The following TSHZ2 variants were observed in gnomAD, a reference collection of about 807,000 sequenced individuals.
TSHZ2 encodes teashirt zinc finger homeobox 2, also known as teashirt homolog 2.
Under a neutral mutation model 74.4 loss-of-function variants are expected in TSHZ2, and 21 were observed. That is an observed-to-expected ratio of 0.28 (90% confidence interval 0.20 to 0.41). The LOEUF (loss-of-function observed/expected upper bound fraction) is 0.41, where lower values mean the gene tolerates loss of function less well. Among genes scored for constraint, TSHZ2 ranks in the 10% least tolerant of loss-of-function variants. The pLI is 1.00. For missense variants in TSHZ2, 1,244 were observed against 1,293.5 expected, an observed-to-expected ratio of 0.96 and a Z score of 0.59; for synonymous variants, 540 against 515.3, an observed-to-expected ratio of 1.05 and a Z score of -0.65.
chr20:53,252,887 T>A (rs1489054120), intron 1 of TSHZ2, among the ~76,000 whole-genome samples: 2 of 152,186 alleles, frequency 1.3e-5, no homozygotes, highest in Non-Finnish European at 2.9e-5. Context: ...AACAGAAGAT[T>A]TTATTTGCAT....
intron 2 of TSHZ2, among the ~76,000 whole-genome samples, chr20:53,384,848 C>T (rs945850387): frequency 1.1e-4 from 17 of 152,170 alleles, no homozygotes; most frequent in Non-Finnish European, 4.4e-5. Context: ...GTCGGCTGGA[C>T]GCGGTGGCTC....
Position 53,185,581 on chromosome 20 carries a change from C to G in TSHZ2, c.41-67918C>G, listed in dbSNP as rs571999365. 6 of 1,518,414 alleles carry G rather than the reference C, an allele frequency of 4.0e-6. No homozygotes were observed. In the South Asian group the frequency reaches 7.2e-5, roughly 18 times the overall value. 94.1% of individuals were successfully genotyped at this position (1,518,414 alleles called of 1,614,324 possible). On this transcript the variant is annotated intron_variant, in intron 1 of 2. Coordinates refer to ENST00000371497, the MANE Select transcript of TSHZ2 (RefSeq NM_173485.6). Reference sequence around the variant, plus strand: ...GTTGCAGTGAGCTGAGATCACGCCACTGCACTCCAGCTGGGGATACAGAGC... The same window carrying G: ...GTTGCAGTGAGCTGAGATCACGCCAGTGCACTCCAGCTGGGGATACAGAGC...
intron 2 of TSHZ2, among the ~76,000 whole-genome samples, chr20:53,371,893 A>C (rs1981487119): frequency 6.6e-6 from 1 of 151,750 alleles, no homozygotes; most frequent in Admixed American, 6.6e-5. Flanking sequence ...AAAAAAGAAA[A>C]AAAAAAGAGT....
At position 53,256,206 on chromosome 20, in the gene TSHZ2, G is replaced by A; in HGVS notation, c.2748G>A (p.Leu916=). 3 of 1,612,986 alleles carry A rather than the reference G, an allele frequency of 1.9e-6. No individual in the cohort carries two copies. Among genetic ancestry groups the A allele is most frequent in the Non-Finnish European group, 2.5e-6 (3 of 1,179,206 alleles). ...GGAAAACGGGCGGGACAAAATTTCTGAAAAACATGGACAAAGGCCACCCCA... is the reference window on the plus strand; with the variant it reads ...GGAAAACGGGCGGGACAAAATTTCTAAAAAACATGGACAAAGGCCACCCCA... ...QLRKTGGTKF[L]KNMDKGHPIF... Residue 916 remains leucine, a synonymous_variant, in exon 2 of 3, where the codon CTG becomes CTA. Transcript: ENST00000371497. This position sits in a 1 kb window ranked among gnomAD's most constrained non-coding sequence, Gnocchi z 4.3.
intron 1 of TSHZ2, among the ~76,000 whole-genome samples, chr20:53,124,423 G>A (rs1044235886): frequency 1.3e-5 from 2 of 152,214 alleles, no homozygotes; most frequent in African/African-American, 4.8e-5. Context: ...TCACTGATCA[G>A]TGACTGGTTT....
At chr20:53,050,005 C>T (rs1189253007) in intron 1 of TSHZ2, among the ~76,000 whole-genome samples, 1 of 150,590 alleles carries the variant, frequency 6.6e-6, no homozygotes, top group Middle Eastern at 3.2e-3. Flanking sequence ...TTGCTTGAAC[C>T]TGGAGGCGGA....
chr20:53,129,681 A>T (rs2123378648), intron 1 of TSHZ2, among the ~76,000 whole-genome samples: 1 of 152,254 alleles, frequency 6.6e-6, no homozygotes, highest in Non-Finnish European at 1.5e-5. Flanking sequence ...GAAAATATGC[A>T]CACACACAAT....
At chr20:53,242,865 C>T (rs1309679779) in intron 1 of TSHZ2, among the ~76,000 whole-genome samples, 1 of 152,154 alleles carries the variant, frequency 6.6e-6, no homozygotes, top group Non-Finnish European at 1.5e-5. Flanking sequence ...CCAACAAACA[C>T]TTGAACAAGG....
At chr20:53,171,588 G>C (rs1486916403) in intron 1 of TSHZ2, among the ~76,000 whole-genome samples, 1 of 151,494 alleles carries the variant, frequency 6.6e-6, no homozygotes, top group East Asian at 1.9e-4. Context: ...TATAAAACAG[G>C]GTGTTTAATA....
Position 53,069,832 on chromosome 20 carries a change from A to G in TSHZ2, c.40+96499A>G, listed in dbSNP as rs528399588. 9.7e-4 allele frequency among the ~76,000 whole-genome samples: 148 copies of G among 152,276 alleles called. 1 individual carries two copies. The highest frequency in any genetic ancestry group is 2.0e-3 in the Admixed American group (31 of 15,290). ...AAAGATGACTTCTTATTAACATGCAATTGTCACCATGTTAATAATGAAATA... is the reference window on the plus strand; with the variant it reads ...AAAGATGACTTCTTATTAACATGCAGTTGTCACCATGTTAATAATGAAATA... On this transcript the variant is annotated intron_variant, in intron 1 of 2. Transcript: ENST00000371497.
intron 1 of TSHZ2, among the ~76,000 whole-genome samples, chr20:53,236,355 A>G (rs1306970210): frequency 6.6e-6 from 1 of 152,214 alleles, no homozygotes; most frequent in Non-Finnish European, 1.5e-5. Context: ...TCTGGATGCT[A>G]AGTTGCTTAC....
chr20:53,207,467 G>C (rs968635813), intron 1 of TSHZ2, among the ~76,000 whole-genome samples: 1 of 152,116 alleles, frequency 6.6e-6, no homozygotes, highest in Non-Finnish European at 1.5e-5. Flanking sequence ...GAAGCAGGAG[G>C]TCAGTAGAGA....
At chr20:53,114,395 GACCCTCATCTATAAAGGAAAAATAGTACT>G (rs1200824043) in intron 1 of TSHZ2, among the ~76,000 whole-genome samples, 1 of 152,036 alleles carries the variant, frequency 6.6e-6, no homozygotes, top group African/African-American at 2.4e-5. Context: ...CTAAACTTCA[GACCCTCATCTATAAAGGAAAAATAGTACT>G]AGTACCCACC....
chr20:53,172,605 G>A lies in TSHZ2; in HGVS notation c.41-80894G>A, dbSNP rs185718843. ...CTAAGCTTGAATCGTTTGTAAAATC[G>A]ACTCTGTGCCTCCTCTGGGCCAGAT... On this transcript the variant is annotated intron_variant, in intron 1 of 2. Transcript: ENST00000371497. Among the ~76,000 whole-genome samples, 33 of 152,206 alleles carry A rather than the reference G, an allele frequency of 2.2e-4. 1 individual carries two copies. The East Asian group carries it at 6.2e-3, about 28-fold the overall frequency.
At chr20:53,034,309 A>G (rs756033233) in intron 1 of TSHZ2, among the ~76,000 whole-genome samples, 4 of 152,156 alleles carry the variant, frequency 2.6e-5, no homozygotes, top group Non-Finnish European at 5.9e-5. Context: ...CAGCTGCATT[A>G]AAGGGTTGTT....
chr20:53,396,495 C>T (rs74977015), intron 2 of TSHZ2, among the ~76,000 whole-genome samples: 284 of 152,212 alleles, frequency 1.9e-3, no homozygotes, highest in Middle Eastern at 0.01. Context: ...TCCAAGGAAC[C>T]TCCAGAGACA....
At chr20:53,442,327 G>A (rs1984367277) in intron 2 of TSHZ2, among the ~76,000 whole-genome samples, 1 of 152,126 alleles carries the variant, frequency 6.6e-6, no homozygotes, top group Admixed American at 6.6e-5. Flanking sequence ...TGTGTCTGTT[G>A]CTTTGGACTT....
At chr20:52,977,421 TACAC>T (rs36230826) in intron 1 of TSHZ2, among the ~76,000 whole-genome samples, 37,397 of 141,042 alleles carry the variant, frequency 0.27, 5,277 homozygotes, top group Non-Finnish European at 0.32. Flanking sequence ...AATGGAAAAA[TACAC>T]ACACACACAC....
At chr20:53,003,166 G>C (rs1352693587) in intron 1 of TSHZ2, among the ~76,000 whole-genome samples, 2 of 151,874 alleles carry the variant, frequency 1.3e-5, no homozygotes, top group Non-Finnish European at 2.9e-5. Flanking sequence ...CACCGTCCAG[G>C]TACTGTCCTT....
Sources: gnomAD v4.1 joint callset for allele counts (sites outside exome capture counted in the v4.1 genomes callset) on GRCh38, gnomAD v4.1.1 for gene constraint, Gnocchi (gnomAD v3.1) non-coding constraint, MANE v1.5 for transcripts, NCBI Gene and HGNC (gene_info 2026-07-23, HGNC 2026-07-21) for gene names.